CDK14: variants seen among roughly 807,000 people sequenced by gnomAD.
CDK14 encodes the protein cyclin dependent kinase 14.
In CDK14, 34 loss-of-function variants were observed where a neutral mutation model predicts 60.7. The observed-to-expected ratio is 0.56, with a 90% CI of 0.43 to 0.75. CDK14 has a LOEUF of 0.75. CDK14 is among the 30% of genes least tolerant of loss of function. The pLI, the probability that CDK14 is intolerant of heterozygous loss-of-function variation, is 0.00. For synonymous variants in CDK14, 197 were observed against 203.7 expected, an observed-to-expected ratio of 0.97 and a Z score of 0.28; for missense variants, 482 against 564.1, an observed-to-expected ratio of 0.85 and a Z score of 1.47.
chr7:91,039,448 A>G (rs1480983847), intron 10 of CDK14, among the ~76,000 whole-genome samples: 1 of 152,234 alleles, frequency 6.6e-6, no homozygotes, highest in African/African-American at 2.4e-5. Context: ...AATGAAAAAG[A>G]TACATAAGGA....
intron 2 of CDK14, among the ~76,000 whole-genome samples, chr7:90,699,006 G>A (rs1801725778): frequency 6.6e-6 from 1 of 152,164 alleles, no homozygotes; most frequent in Non-Finnish European, 1.5e-5. Flanking sequence ...ACTATAAATA[G>A]CTCCTTTCAC....
chr7:90,795,573 A>C (rs893213491), intron 5 of CDK14, among the ~76,000 whole-genome samples: 1 of 151,984 alleles, frequency 6.6e-6, no homozygotes, highest in Admixed American at 6.6e-5. Flanking sequence ...GTAGTAAAAT[A>C]TTTGTTATAT....
At chr7:90,930,296 TC>T (rs761204621) in intron 8 of CDK14, among the ~76,000 whole-genome samples, 2 of 152,212 alleles carry the variant, frequency 1.3e-5, no homozygotes, top group Non-Finnish European at 2.9e-5. Flanking sequence ...GATTGTGGAT[TC>T]CTTAGCAGAT....
chr7:90,649,914 A>G (rs1379605370), intron 2 of CDK14, among the ~76,000 whole-genome samples: 1 of 152,174 alleles, frequency 6.6e-6, no homozygotes, highest in Non-Finnish European at 1.5e-5. Flanking sequence ...TGGTGCGGTA[A>G]ACATACATAT....
At chr7:90,797,648 C>G (rs530647458) in intron 5 of CDK14, among the ~76,000 whole-genome samples, 1 of 152,052 alleles carries the variant, frequency 6.6e-6, no homozygotes, top group Non-Finnish European at 1.5e-5. Context: ...GTTCTGCAGG[C>G]TGTACCAGAA....
intron 10 of CDK14, among the ~76,000 whole-genome samples, chr7:90,984,915 C>T (rs370043182): frequency 3.9e-5 from 6 of 152,118 alleles, no homozygotes; most frequent in Non-Finnish European, 5.9e-5. Flanking sequence ...AAGGAAAGTT[C>T]GGGAAACTGG....
intron 2 of CDK14, among the ~76,000 whole-genome samples, chr7:90,671,769 G>A (rs1801102701): frequency 6.6e-6 from 1 of 152,046 alleles, no homozygotes; most frequent in South Asian, 2.1e-4. Flanking sequence ...TGACTGTTGT[G>A]GTTATGAAAC....
intron 10 of CDK14, among the ~76,000 whole-genome samples, chr7:91,035,833 C>CTTTTTTTT (rs34091498): frequency 4.0e-5 from 4 of 99,232 alleles, no homozygotes; most frequent in African/African-American, 7.8e-5. Context: ...GCTTCATGGT[C>CTTTTTTTT]TTTTTTTTTT....
intron 7 of CDK14, among the ~76,000 whole-genome samples, chr7:90,912,682 AC>A (rs1473840910): frequency 1.3e-5 from 2 of 152,116 alleles, no homozygotes; most frequent in African/African-American, 4.8e-5. Context: ...ATCTCAGTTC[AC>A]TGCAATCTCC....
In CDK14 at chr7:90,812,019, A is replaced by G. The variant is rs545391760; in HGVS notation, c.544+21367A>G. On this transcript the variant is annotated intron_variant, in intron 5 of 14. Transcript: ENST00000380050. ...TAGGAACACTTTTACACTGTTGGTGAGACTGTAAACTAGTTCAACCATTGT... is the reference window on the plus strand; with the variant it reads ...TAGGAACACTTTTACACTGTTGGTGGGACTGTAAACTAGTTCAACCATTGT... Among the ~76,000 whole-genome samples the G allele has an allele frequency of 9.9e-3, 1,509 of 152,190 alleles. 22 individuals carry two copies. Among genetic ancestry groups the G allele is most frequent in the African/African-American group, 0.033 (1,379 of 41,502 alleles).
At chr7:90,829,579 T>C (rs983360504) in intron 5 of CDK14, among the ~76,000 whole-genome samples, 1 of 152,132 alleles carries the variant, frequency 6.6e-6, no homozygotes. Context: ...TTGCCTAAAC[T>C]GGAGTGCAGT....
chr7:90,672,818 C>T (rs1314107466), intron 2 of CDK14, among the ~76,000 whole-genome samples: 3 of 151,926 alleles, frequency 2.0e-5, no homozygotes, highest in Non-Finnish European at 1.5e-5. Context: ...TCGCCTGGGT[C>T]ATATTTTTTA....
intron 7 of CDK14, among the ~76,000 whole-genome samples, chr7:90,916,209 G>A (rs1217499096): frequency 6.6e-6 from 1 of 152,114 alleles, no homozygotes; most frequent in Non-Finnish European, 1.5e-5. Flanking sequence ...GAATGAGGCT[G>A]GCAGCTGCTA....
intron 8 of CDK14, among the ~76,000 whole-genome samples, chr7:90,951,770 C>T (rs964405218): frequency 1.3e-5 from 2 of 152,144 alleles, no homozygotes; most frequent in African/African-American, 4.8e-5. Flanking sequence ...TGCATTTGCT[C>T]CTGGACTCTT....
intron 9 of CDK14, 28 bp downstream of exon 9, chr7:90,955,845 A>G (rs1289116064): frequency 1.2e-6 from 2 of 1,610,500 alleles, no homozygotes; most frequent in Non-Finnish European, 8.5e-7. Context: ...TACTCTAGCT[A>G]ATCTATCTGT....
intron 10 of CDK14, among the ~76,000 whole-genome samples, chr7:90,988,997 T>TGA (rs1438051326): frequency 3.2e-5 from 2 of 61,772 alleles, no homozygotes; most frequent in African/African-American, 1.1e-4. Context: ...TGTGTTTGTG[T>TGA]GTGAGTGTGT....
intron 3 of CDK14, among the ~76,000 whole-genome samples, chr7:90,742,548 T>C (rs1803389211): frequency 6.6e-6 from 1 of 152,044 alleles, no homozygotes; most frequent in South Asian, 2.1e-4. Context: ...TATAATACTT[T>C]TGTCTTATAT....
At chr7:90,744,076 T>C (rs929238725) in intron 3 of CDK14, among the ~76,000 whole-genome samples, 2 of 152,116 alleles carry the variant, frequency 1.3e-5, no homozygotes, top group African/African-American at 4.8e-5. Flanking sequence ...TTTGGCAGGG[T>C]CATAGGACAA....
intron 5 of CDK14, among the ~76,000 whole-genome samples, chr7:90,812,098 C>G (rs904846254): frequency 8.2e-4 from 125 of 152,090 alleles, no homozygotes; most frequent in African/African-American, 2.9e-3. Flanking sequence ...ACCATTTGAC[C>G]CAGCCATCCC....
Sources: allele counts gnomAD v4.1 joint callset (sites outside exome capture counted in the v4.1 genomes callset), GRCh38; gene constraint gnomAD v4.1.1; transcripts MANE v1.5; gene names NCBI Gene and HGNC (gene_info 2026-07-23, HGNC 2026-07-21).